Variants in MMAA observed in about 807,000 individuals in gnomAD.
The protein encoded by MMAA is methylmalonic aciduria type A protein, mitochondrial.
Under a neutral mutation model 45.0 loss-of-function variants are expected in MMAA, and 41 were observed. The ratio of observed to expected loss-of-function variants is 0.91; its 90% CI spans 0.71 to 1.18. The LOEUF (loss-of-function observed/expected upper bound fraction) is 1.18, where lower values mean the gene tolerates loss of function less well. Among genes scored for constraint, MMAA ranks in the 50% most tolerant of loss-of-function variants. MMAA has a pLI of 0.00. For synonymous variants in MMAA, 154 were observed against 178.2 expected (o/e 0.86, Z 1.08); for missense variants, 460 against 495.7 (o/e 0.93, Z 0.68).
At chr4:145,653,923 T>G in intron 5 of MMAA, 71 bp from the exon 6 acceptor site, 1 of 1,519,568 alleles carries the variant, frequency 6.6e-7, no homozygotes. Context: ...TGTATGACTT[T>G]CAAAATCTGA....
intron 2 of MMAA, among the ~76,000 whole-genome samples, chr4:145,640,470 A>G (rs368691288): frequency 2.0e-5 from 3 of 152,104 alleles, no homozygotes; most frequent in East Asian, 1.9e-4. Flanking sequence ...TAGCTCTGAC[A>G]TCATGCTTGG....
intron 1 of MMAA, among the ~76,000 whole-genome samples, chr4:145,629,022 A>C (rs1418888261): frequency 2.0e-5 from 3 of 152,220 alleles, no homozygotes; most frequent in Admixed American, 2.0e-4. Context: ...ACATCGAAGG[A>C]ATGTTGAATT....
Position 145,625,835 on chromosome 4 carries a change from C to G in MMAA, c.-66+6428C>G. ...GGTCCACCTGTTCATTTAGTCACAC[C>G]TCATGGCTTCTAAGACGTTCCAGAT... On this transcript the variant is annotated intron_variant, in intron 1 of 6. Transcript: ENST00000649156. 11 of 1,234,836 alleles carry G rather than the reference C, an allele frequency of 8.9e-6. No homozygotes were observed. In the South Asian group the frequency reaches 1.2e-4, roughly 14 times the overall value. The allele number at this position is 1,234,836 out of a possible 1,614,324, so 76.5% of individuals were successfully genotyped here. A position where few individuals can be genotyped will look rare whatever the true frequency, so the allele number is the denominator to read the frequency against.
intron 2 of MMAA, 175 bp from the exon 3 acceptor site, chr4:145,642,188 C>G: frequency 4.1e-6 from 3 of 724,890 alleles, no homozygotes; most frequent in Non-Finnish European, 4.5e-6. Context: ...CCCCATTACT[C>G]AGGAATTAAA....
Position 145,639,190 on chromosome 4 carries a change from A to G in MMAA, c.51A>G (p.Leu17=), listed in dbSNP as rs1287869365. 3 of 1,614,208 alleles carry G rather than the reference A, an allele frequency of 1.9e-6. 1 individual carries two copies. The South Asian group carries it at 3.3e-5, about 18-fold the overall frequency. ...HPHQHFLKGL[L]RAPFRCYHFI... ...ACCAGCATTTCCTAAAAGGCCTTTT[A>G]AGAGCACCTTTCCGATGTTACCACT... The change falls in exon 2 of 7, where the codon TTA becomes TTG. Residue 17 remains leucine (L), a synonymous_variant. Transcript: ENST00000649156.
chr4:145,620,898 A>G (rs191969175), intron 1 of MMAA, among the ~76,000 whole-genome samples: 1 of 152,306 alleles, frequency 6.6e-6, no homozygotes, highest in East Asian at 1.9e-4. Context: ...GGAATTTTGG[A>G]AAGGCAAGCG....
In MMAA at chr4:145,654,007, G is replaced by A. The variant is rs761964238; in HGVS notation, c.833G>A (p.Gly278Asp). 1.9e-6 allele frequency: 3 copies of A among 1,614,016 alleles called. No homozygotes were observed. The highest frequency in any genetic ancestry group is 1.1e-5 in the South Asian group (1 of 91,082). The stretch of plus-strand genomic sequence containing the variant: ...TGATCTCTTTAGGGTATCAAAAGGG[G>A]TATAATCGAGATGGCAGATCTGGTA... ...GGDELQGIKRGIIEMADLVAV... is the reference protein window; with the variant it reads ...GGDELQGIKRDIIEMADLVAV... Residue 278 changes from glycine to aspartate, a missense_variant, in exon 6 of 7, where the codon GGT becomes GAT. By Grantham distance (94) the Gly-to-Asp change is moderately conservative. Coordinates refer to ENST00000649156, the MANE Select transcript of MMAA (RefSeq NM_172250.3).
At chr4:145,642,841 A>C (rs1021056856) in intron 3 of MMAA, 2 of 293,228 alleles carry the variant, frequency 6.8e-6, no homozygotes, top group African/African-American at 4.3e-5. Context: ...TGCAATTCAG[A>C]AAATAGGTCC....
chr4:145,624,679 G>A, intron 1 of MMAA: 1 of 1,497,088 alleles, frequency 6.7e-7, no homozygotes, highest in Non-Finnish European at 9.2e-7. Context: ...TCAGGCTCAG[G>A]TTTGGGTTCC....
chr4:145,624,581 T>C (rs1311286981), intron 1 of MMAA: 6 of 1,247,926 alleles, frequency 4.8e-6, no homozygotes, highest in Non-Finnish European at 7.0e-6. Flanking sequence ...CCAGCAATTC[T>C]AGAAGGAACC....
chr4:145,629,937 C>T (rs1270640223), intron 1 of MMAA, among the ~76,000 whole-genome samples: 1 of 152,026 alleles, frequency 6.6e-6, no homozygotes, highest in Non-Finnish European at 1.5e-5. Flanking sequence ...TGGGTGGGGA[C>T]ACAGAGCCAC....
rs980392859 is a variant in MMAA, at chr4:145,654,082, A to G, written c.908A>G (p.Gln303Arg). Residue 303 changes from glutamine (Q) to arginine (R), a missense_variant, in exon 6 of 7, where the codon CAA becomes CGA. Physicochemically the swap from Gln to Arg is conservative, Grantham distance 43 (BLOSUM62 1). Coordinates refer to ENST00000649156, the MANE Select transcript of MMAA (RefSeq NM_172250.3). ...GDLIVPARRI[Q>R]AEYVSALKLL... Reference sequence around the variant, plus strand: ...TTGATTGTGCCAGCTCGAAGGATACAAGCGGAATATGTGAGTGCACTGAAA... The same window carrying G: ...TTGATTGTGCCAGCTCGAAGGATACGAGCGGAATATGTGAGTGCACTGAAA... 3 of 1,614,190 alleles carry G rather than the reference A, an allele frequency of 1.9e-6. No individual in the cohort carries two copies. The highest frequency in any genetic ancestry group is 2.5e-6 in the Non-Finnish European group (3 of 1,180,026).
At chr4:145,646,188 A>G (rs1270415986) in intron 4 of MMAA, 32 bp downstream of exon 4, 2 of 1,612,850 alleles carry the variant, frequency 1.2e-6, no homozygotes, top group Non-Finnish European at 1.7e-6. Context: ...ATAACAATGT[A>G]CTATTTTATG....
chr4:145,653,963 G>T, intron 5 of MMAA, 31 bp from the exon 6 acceptor site: 2 of 1,612,228 alleles, frequency 1.2e-6, no homozygotes, highest in South Asian at 2.2e-5. Flanking sequence ...TTTTTATGTT[G>T]GTTGTCATTA....
At chr4:145,632,014 T>C (rs1345826580) in intron 1 of MMAA, among the ~76,000 whole-genome samples, 1 of 152,240 alleles carries the variant, frequency 6.6e-6, no homozygotes, top group African/African-American at 2.4e-5. Flanking sequence ...TTATTTTTGA[T>C]TGGTTCATTG....
chr4:145,654,385 G>C (rs1331222613), intron 6 of MMAA, among the ~76,000 whole-genome samples: 2 of 152,136 alleles, frequency 1.3e-5, no homozygotes, highest in Non-Finnish European at 2.9e-5. Flanking sequence ...TGAGCCATTT[G>C]GAAGTGATAG....
intron 1 of MMAA, among the ~76,000 whole-genome samples, chr4:145,629,016 C>T (rs973681018): frequency 3.3e-5 from 5 of 152,018 alleles, no homozygotes; most frequent in South Asian, 2.1e-4. Context: ...ATATAAACAT[C>T]GAAGGAATGT....
chr4:145,654,599 G>A (rs1409069498), intron 6 of MMAA, among the ~76,000 whole-genome samples: 1 of 152,188 alleles, frequency 6.6e-6, no homozygotes, highest in African/African-American at 2.4e-5. Flanking sequence ...TAAAGAATAA[G>A]CTGTAATCAT....
At position 145,639,278 on chromosome 4, in the gene MMAA, C is replaced by G. The variant is rs1204836039; in HGVS notation, c.139C>G (p.Leu47Val). ...CCCATGTGCTCAGCCGTTTAATTCT[C>G]TTGGACTCCATTGTACAAAGTGGAT... ...GIPCAQPFNS[L>V]GLHCTKWMLL... is the part of the protein sequence containing the mutation. The change falls in exon 2 of 7, where the codon CTT (leucine) becomes GTT (valine). Residue 47 changes from leucine (L) to valine (V), a missense_variant. Physicochemically the swap from Leu to Val is conservative, Grantham distance 32. Transcript: ENST00000649156. 6 of 1,614,166 alleles carry G rather than the reference C, an allele frequency of 3.7e-6. No homozygotes were observed. The highest frequency in any genetic ancestry group is 5.1e-6 in the Non-Finnish European group (6 of 1,180,034).
Sources: allele counts gnomAD v4.1 joint callset (sites outside exome capture counted in the v4.1 genomes callset), GRCh38; gene constraint gnomAD v4.1.1; transcripts MANE v1.5; gene names NCBI Gene and HGNC (gene_info 2026-07-23, HGNC 2026-07-21).